TLL1: variants seen among roughly 807,000 people sequenced by gnomAD.
TLL1 encodes tolloid like 1.
Under a neutral mutation model 128.2 loss-of-function variants are expected in TLL1, and 49 were observed. The ratio of observed to expected loss-of-function variants is 0.38; its 90% CI spans 0.30 to 0.48. The LOEUF is 0.48. TLL1 is among the 20% of genes least tolerant of loss of function. The probability of loss-of-function intolerance (pLI) is 0.96; values close to 1 mark genes in which losing one functional copy is unlikely to be tolerated. For missense variants in TLL1, 1,123 were observed against 1,242.0 expected (o/e 0.90, Z 1.44); for synonymous variants, 454 against 418.8 (o/e 1.08, Z -1.03).
chr4:166,063,601 T>A (rs1246914006), intron 15 of TLL1, among the ~76,000 whole-genome samples: 3 of 152,070 alleles, frequency 2.0e-5, no homozygotes, highest in East Asian at 1.9e-4. Context: ...CAAATGTCCA[T>A]CAATGATAGA....
At chr4:166,099,100 G>A (rs998641258) in intron 19 of TLL1, among the ~76,000 whole-genome samples, 177 bp from the exon 20 acceptor site, 3 of 152,110 alleles carry the variant, frequency 2.0e-5, no homozygotes, top group African/African-American at 7.2e-5. Context: ...CATGTCTGGG[G>A]CCTGGGTGGA....
At chr4:166,078,376 C>T (rs565441453) in intron 18 of TLL1, among the ~76,000 whole-genome samples, 5 of 152,100 alleles carry the variant, frequency 3.3e-5, no homozygotes, top group Non-Finnish European at 7.4e-5. Flanking sequence ...TGCCAGAAAG[C>T]GATAGAATAA....
At chr4:165,891,066 A>G (rs111267640) in intron 1 of TLL1, among the ~76,000 whole-genome samples, 14 of 152,290 alleles carry the variant, frequency 9.2e-5, no homozygotes, top group African/African-American at 3.1e-4. Context: ...CACCCTCTGA[A>G]GCAATGGCCT....
chr4:166,095,204 A>C (rs1741965563), intron 19 of TLL1, among the ~76,000 whole-genome samples: 1 of 152,092 alleles, frequency 6.6e-6, no homozygotes, highest in Non-Finnish European at 1.5e-5. Context: ...TGAATTTTTG[A>C]ACTAGGTGAT....
At chr4:166,068,235 T>C (rs1740662073) in intron 16 of TLL1, among the ~76,000 whole-genome samples, 1 of 151,720 alleles carries the variant, frequency 6.6e-6, no homozygotes, top group African/African-American at 2.4e-5. Flanking sequence ...GTTAAAAACA[T>C]GTTTGTAATA....
chr4:166,043,203 C>T, intron 11 of TLL1, 71 bp from the exon 12 acceptor site: 1 of 1,598,832 alleles, frequency 6.3e-7, no homozygotes, highest in Non-Finnish European at 8.6e-7. Context: ...TTCAATGTTA[C>T]CCTAGAAGAA....
chr4:165,946,681 C>A (rs1250748504), intron 1 of TLL1, among the ~76,000 whole-genome samples: 1 of 151,910 alleles, frequency 6.6e-6, no homozygotes, highest in East Asian at 1.9e-4. Context: ...AAAACAAATG[C>A]ATATTTTCGT....
At chr4:165,968,740 A>G (rs1479812022) in intron 1 of TLL1, among the ~76,000 whole-genome samples, 1 of 152,100 alleles carries the variant, frequency 6.6e-6, no homozygotes, top group Admixed American at 6.5e-5. Context: ...TTCTACCAAA[A>G]TGTCGTTTTT....
intron 1 of TLL1, among the ~76,000 whole-genome samples, chr4:165,950,645 A>G (rs1263067508): frequency 6.6e-6 from 1 of 152,144 alleles, no homozygotes; most frequent in African/African-American, 2.4e-5. Flanking sequence ...TAAATAACGT[A>G]TATAACATAT....
At chr4:166,065,629 G>A in intron 15 of TLL1, 54 bp from the exon 16 acceptor site, 2 of 1,558,658 alleles carry the variant, frequency 1.3e-6, no homozygotes, top group Admixed American at 3.4e-5. Flanking sequence ...TAAGATAAAT[G>A]TCAATCATCT....
At chr4:166,096,595 G>C (rs1015490607) in intron 19 of TLL1, among the ~76,000 whole-genome samples, 31 of 152,052 alleles carry the variant, frequency 2.0e-4, no homozygotes, top group African/African-American at 6.5e-4. Context: ...GTGCTAACTT[G>C]TATCTGTGAG....
chr4:165,971,916 T>C (rs1435444143), intron 1 of TLL1, among the ~76,000 whole-genome samples: 1 of 152,106 alleles, frequency 6.6e-6, no homozygotes, highest in Non-Finnish European at 1.5e-5. Context: ...GTTTTGTCAG[T>C]GATCTGTTTT....
chr4:165,887,311 A>T (rs1731204959), intron 1 of TLL1, among the ~76,000 whole-genome samples: 1 of 152,182 alleles, frequency 6.6e-6, no homozygotes, highest in African/African-American at 2.4e-5. Context: ...AGTAGAGGCA[A>T]GCACTGGATG....
intron 1 of TLL1, among the ~76,000 whole-genome samples, chr4:165,886,090 A>T (rs1731153737): frequency 6.6e-6 from 1 of 152,114 alleles, no homozygotes; most frequent in Non-Finnish European, 1.5e-5. Context: ...CGCCAAAGCA[A>T]GTTTCACTTT....
At chr4:166,013,477 A>G (rs895070318) in intron 7 of TLL1, among the ~76,000 whole-genome samples, 2 of 151,636 alleles carry the variant, frequency 1.3e-5, no homozygotes, top group Non-Finnish European at 2.9e-5. Context: ...GTGCTGCATC[A>G]TTTTCTCAAT....
intron 19 of TLL1, among the ~76,000 whole-genome samples, chr4:166,097,409 C>G (rs1209022864): frequency 6.6e-6 from 1 of 152,080 alleles, no homozygotes; most frequent in Non-Finnish European, 1.5e-5. Flanking sequence ...GTGTGAGATA[C>G]TCATCTACCA....
chr4:166,040,265 C>G (rs562004983), intron 10 of TLL1, among the ~76,000 whole-genome samples: 109 of 152,228 alleles, frequency 7.2e-4, no homozygotes, highest in African/African-American at 2.6e-3. Flanking sequence ...TTAAAAGTGA[C>G]AGCAGCCATA....
chr4:166,039,663 C>T (rs1739156193), intron 10 of TLL1, among the ~76,000 whole-genome samples: 1 of 152,040 alleles, frequency 6.6e-6, no homozygotes, highest in Non-Finnish European at 1.5e-5. Context: ...TTATGAGGTA[C>T]ATACTAGGAT....
chr4:165,899,442 A>G (rs1275771218), intron 1 of TLL1, among the ~76,000 whole-genome samples: 1 of 152,136 alleles, frequency 6.6e-6, no homozygotes, highest in African/African-American at 2.4e-5. Context: ...CATTGGTTTC[A>G]AAGAACTTAT....
Sources: gnomAD v4.1 joint callset for allele counts (sites outside exome capture counted in the v4.1 genomes callset) on GRCh38, gnomAD v4.1.1 for gene constraint, MANE v1.5 for transcripts, NCBI Gene and HGNC (gene_info 2026-07-23, HGNC 2026-07-21) for gene names.